Variants in GAD2 observed in about 807,000 individuals in gnomAD.
GAD2 encodes the protein glutamate decarboxylase 2, also known as 65 kDa glutamic acid decarboxylase.
In GAD2, 22 loss-of-function variants were observed where a neutral mutation model predicts 80.1. The observed-to-expected ratio is 0.27, with a 90% CI of 0.20 to 0.39. The LOEUF (loss-of-function observed/expected upper bound fraction) is 0.39, where lower values mean the gene tolerates loss of function less well. Ranked by LOEUF, GAD2 falls within the 10% of genes least tolerant of loss-of-function variation. GAD2 has a pLI of 1.00. For synonymous variants in GAD2, 274 were observed against 256.9 expected (o/e 1.07, Z -0.64); for missense variants, 624 against 738.4 (o/e 0.85, Z 1.80).
intron 7 of GAD2, among the ~76,000 whole-genome samples, chr10:26,234,028 A>T (rs1844638899): frequency 6.6e-6 from 1 of 152,168 alleles, no homozygotes; most frequent in Non-Finnish European, 1.5e-5. Context: ...CCAACTTTAA[A>T]AAACAACAAC....
intron 7 of GAD2, among the ~76,000 whole-genome samples, chr10:26,232,182 C>T (rs1250941058): frequency 1.3e-5 from 2 of 152,142 alleles, no homozygotes; most frequent in African/African-American, 4.8e-5. Flanking sequence ...GGTTTGGACC[C>T]CTAAATAGTT....
intron 7 of GAD2, among the ~76,000 whole-genome samples, chr10:26,232,251 T>G (rs1312367081): frequency 6.6e-6 from 1 of 152,150 alleles, no homozygotes; most frequent in Non-Finnish European, 1.5e-5. Flanking sequence ...GGGCGTCTTT[T>G]TCTTTTGGCT....
chr10:26,286,051 A>C (rs1845327799), intron 12 of GAD2, among the ~76,000 whole-genome samples: 1 of 152,144 alleles, frequency 6.6e-6, no homozygotes, highest in African/African-American at 2.4e-5. Context: ...TTTATTTATC[A>C]GTTGATTTTT....
chr10:26,291,394 C>T (rs1341752502), intron 13 of GAD2, among the ~76,000 whole-genome samples: 1 of 152,168 alleles, frequency 6.6e-6, no homozygotes, highest in Non-Finnish European at 1.5e-5. Flanking sequence ...AACCCATCAG[C>T]CTCCTTGAGC....
chr10:26,287,843 G>A (rs1039278940), intron 13 of GAD2, among the ~76,000 whole-genome samples: 1 of 152,112 alleles, frequency 6.6e-6, no homozygotes, highest in Admixed American at 6.5e-5. Context: ...ATGCTTGGTG[G>A]AGTGGATATA....
chr10:26,217,911 G>C lies in GAD2; in HGVS notation c.206G>C (p.Arg69Pro). ...AGCCAACCCCCGCGGGCCGCCGCCCGGAAGGCCGCCTGCGCCTGCGACCAG... is the reference window on the plus strand; with the variant it reads ...AGCCAACCCCCGCGGGCCGCCGCCCCGAAGGCCGCCTGCGCCTGCGACCAG... ...GGSQPPRAAA[R>P]KAACACDQKP... The change falls in exon 3 of 16, where the codon CGG (arginine) becomes CCG (proline). Residue 69 changes from arginine to proline, a missense_variant. Arg to Pro is a moderately radical substitution (Grantham distance 103). Transcript: ENST00000376261. This position sits in a 1 kb window ranked among gnomAD's most constrained non-coding sequence, Gnocchi z 4.9. 1.2e-6 allele frequency: 2 copies of C among 1,610,812 alleles called. No individual in the cohort carries two copies. Among genetic ancestry groups the C allele is most frequent in the Non-Finnish European group, 1.7e-6 (2 of 1,178,858 alleles).
At chr10:26,290,214 T>C (rs1834197900) in intron 13 of GAD2, among the ~76,000 whole-genome samples, 1 of 152,212 alleles carries the variant, frequency 6.6e-6, no homozygotes, top group South Asian at 2.1e-4. Flanking sequence ...TCGTGTCTAG[T>C]ACTGAATGGG....
chr10:26,222,321 A>T (rs1844462970), intron 4 of GAD2, among the ~76,000 whole-genome samples: 1 of 152,168 alleles, frequency 6.6e-6, no homozygotes. Context: ...CCCTAGAGTT[A>T]AATACTGTCT....
At chr10:26,245,773 G>A (rs1183684206) in intron 7 of GAD2, 148 bp from the exon 8 acceptor site, 1 of 647,050 alleles carries the variant, frequency 1.5e-6, no homozygotes, top group African/African-American at 1.8e-5. Context: ...AAGCACAAGT[G>A]AAGGATGCCA....
At chr10:26,248,018 C>T (rs2132289546) in intron 8 of GAD2, among the ~76,000 whole-genome samples, 1 of 151,614 alleles carries the variant, frequency 6.6e-6, no homozygotes, top group East Asian at 1.9e-4. Flanking sequence ...CAAACATCCA[C>T]ACACAGGTTT....
chr10:26,220,890 G>A (rs974315613), intron 4 of GAD2, among the ~76,000 whole-genome samples: 3 of 152,202 alleles, frequency 2.0e-5, no homozygotes, highest in Non-Finnish European at 4.4e-5. Flanking sequence ...TTTAGTGCCA[G>A]GAAAAGATGG....
chr10:26,270,766 C>G lies in GAD2; in HGVS notation c.1092+10C>G. On this transcript the variant is annotated intron_variant, in intron 10 of 15. Coordinates refer to ENST00000376261, the MANE Select transcript of GAD2 (RefSeq NM_001134366.2). ...CTGGATGCATGTGGATGTAAGTATC[C>G]CTTAGGGACTGGCCACTAAAACGTC... 6.5e-7 allele frequency: 1 copy of G among 1,541,300 alleles called. No individual in the cohort carries two copies. The highest frequency in any genetic ancestry group is 9.0e-7 in the Non-Finnish European group (1 of 1,113,588).
intron 9 of GAD2, 82 bp from the exon 10 acceptor site, chr10:26,270,558 G>T (rs1171818285): frequency 4.0e-6 from 4 of 997,566 alleles, no homozygotes; most frequent in Non-Finnish European, 6.4e-6. Context: ...GTTAGGGAGA[G>T]AATTTCCATT....
intron 4 of GAD2, among the ~76,000 whole-genome samples, chr10:26,220,368 G>A (rs915015942): frequency 2.6e-5 from 4 of 152,138 alleles, no homozygotes; most frequent in Admixed American, 6.6e-5. Context: ...GCAGTATTAC[G>A]CTAATCAATA....
intron 8 of GAD2, among the ~76,000 whole-genome samples, chr10:26,264,161 C>G (rs115745157): frequency 0.01 from 1,531 of 152,280 alleles, 20 homozygotes; most frequent in African/African-American, 0.034. Flanking sequence ...ATTGTTTATA[C>G]TTACTATCTT....
chr10:26,258,605 G>A (rs547774001), intron 8 of GAD2, among the ~76,000 whole-genome samples: 2 of 152,052 alleles, frequency 1.3e-5, no homozygotes, highest in Non-Finnish European at 2.9e-5. Context: ...ACTACTATGG[G>A]TACCTCACTC....
intron 11 of GAD2, among the ~76,000 whole-genome samples, chr10:26,277,288 G>T (rs1845220083): frequency 6.6e-6 from 1 of 152,228 alleles, no homozygotes; most frequent in Admixed American, 6.5e-5. Context: ...GCCAGGTCAT[G>T]GGTGGAAAGT....
chr10:26,219,303 C>A, intron 4 of GAD2, 27 bp downstream of exon 4: 1 of 1,349,298 alleles, frequency 7.4e-7, no homozygotes, highest in Non-Finnish European at 1.0e-6. Flanking sequence ...AATAATAAAG[C>A]TCTTTTTTCG....
In GAD2 at chr10:26,301,108, C is replaced by A; in HGVS notation, c.*147C>A. 1 of 669,722 alleles carries A rather than the reference C, an allele frequency of 1.5e-6. No homozygotes were observed. The highest frequency in any genetic ancestry group is 2.5e-6 in the Non-Finnish European group (1 of 401,906). The allele number at this position is 669,722 out of a possible 1,614,324, so 41.5% of individuals were successfully genotyped here. On this transcript the variant is annotated 3_prime_UTR_variant, in exon 16 of 16. Transcript: ENST00000376261. Reference sequence around the variant, plus strand: ...GAGTTTAAAAATTAAACAAAAAAGACATTGCTCCTTTTAAAAGTCCTTTCT... The same window carrying A: ...GAGTTTAAAAATTAAACAAAAAAGAAATTGCTCCTTTTAAAAGTCCTTTCT...
Sources: gnomAD v4.1 joint callset for allele counts (sites outside exome capture counted in the v4.1 genomes callset) on GRCh38, gnomAD v4.1.1 for gene constraint, Gnocchi (gnomAD v3.1) non-coding constraint, MANE v1.5 for transcripts, NCBI Gene and HGNC (gene_info 2026-07-23, HGNC 2026-07-21) for gene names.